KIAA1549L: variants seen among roughly 807,000 people sequenced by gnomAD.
The protein encoded by KIAA1549L is KIAA1549 like, also known as UPF0606 protein KIAA1549L.
A neutral mutation model predicts 160.7 loss-of-function variants in KIAA1549L; 88 were observed. The observed-to-expected ratio is 0.55, with a 90% CI of 0.46 to 0.65. The LOEUF (loss-of-function observed/expected upper bound fraction) is 0.65, where lower values mean the gene tolerates loss of function less well. Among genes scored for constraint, KIAA1549L ranks in the 30% least tolerant of loss-of-function variants. The pLI, the probability that KIAA1549L is intolerant of heterozygous loss-of-function variation, is 0.00. For synonymous variants in KIAA1549L, 950 were observed against 976.7 expected (o/e 0.97, Z 0.51); for missense variants, 2,258 against 2,437.5 (o/e 0.93, Z 1.55).
chr11:33,542,071 G>A lies in KIAA1549L; in HGVS notation c.508G>A (p.Glu170Lys), dbSNP rs1273702647. 12 of 475,714 alleles carry A rather than the reference G, an allele frequency of 2.5e-5. No homozygotes were observed. Among genetic ancestry groups the A allele is most frequent in the Admixed American group, 1.4e-4 (6 of 43,056 alleles). 29.5% of individuals were successfully genotyped at this position (475,714 alleles called of 1,614,324 possible). A position where few individuals can be genotyped will look rare whatever the true frequency, so the allele number is the denominator to read the frequency against. The change falls in exon 2 of 21, where the codon GAA becomes AAA. Residue 170 changes from glutamate (E) to lysine (K), a missense_variant. This residue lies in a region of KIAA1549L where 540 missense variants were observed against 465.7 expected (regional missense o/e 1.16). Coordinates refer to ENST00000658780, the MANE Select transcript of KIAA1549L (RefSeq NM_012194.3). ...YQGSGHSASLEPSKDSTESLV... is the reference protein window; with the variant it reads ...YQGSGHSASLKPSKDSTESLV... The stretch of plus-strand genomic sequence containing the variant: ...AGGAAGCGGACATAGCGCCTCCCTC[G>A]AACCTTCCAAGGATTCTACCGAGTC...
intron 1 of KIAA1549L, among the ~76,000 whole-genome samples, chr11:33,488,990 T>C (rs1852594056): frequency 6.6e-6 from 1 of 152,226 alleles, no homozygotes; most frequent in East Asian, 1.9e-4. Context: ...TTTGTTATGT[T>C]GTTAAATCCT....
chr11:33,394,644 T>C (rs1850338051), intron 1 of KIAA1549L, among the ~76,000 whole-genome samples: 2 of 152,298 alleles, frequency 1.3e-5, no homozygotes, highest in African/African-American at 2.4e-5. Flanking sequence ...CCCATTTCAC[T>C]CTCATATTGG....
chr11:33,405,263 A>G (rs1404557914), intron 1 of KIAA1549L, among the ~76,000 whole-genome samples: 1 of 152,156 alleles, frequency 6.6e-6, no homozygotes, highest in African/African-American at 2.4e-5. Context: ...ATTGGTGTAA[A>G]CAGAATAAAT....
At chr11:33,594,662 C>T (rs1288194641) in intron 12 of KIAA1549L, among the ~76,000 whole-genome samples, 1 of 152,208 alleles carries the variant, frequency 6.6e-6, no homozygotes, top group African/African-American at 2.4e-5. Context: ...AAGCAAGTCT[C>T]ATGGTCAAGT....
At chr11:33,665,154 T>TG (rs1417805523) in intron 20 of KIAA1549L, 1 of 152,404 alleles carries the variant, frequency 6.6e-6, no homozygotes, top group Non-Finnish European at 1.5e-5. Context: ...TGGCCGGTGG[T>TG]GCTTTTGCCC....
At chr11:33,553,263 G>A (rs982563078) in intron 6 of KIAA1549L, among the ~76,000 whole-genome samples, 2 of 151,356 alleles carry the variant, frequency 1.3e-5, no homozygotes, top group African/African-American at 4.9e-5. Flanking sequence ...GCCTCCCGAA[G>A]TGCTGGGATT....
intron 13 of KIAA1549L, among the ~76,000 whole-genome samples, chr11:33,605,943 C>T (rs1249863932): frequency 6.6e-6 from 1 of 152,194 alleles, no homozygotes; most frequent in Non-Finnish European, 1.5e-5. Flanking sequence ...TTAGCAATTG[C>T]AGCAGAATTA....
At chr11:33,492,543 G>A (rs1039403842) in intron 1 of KIAA1549L, among the ~76,000 whole-genome samples, 4 of 152,226 alleles carry the variant, frequency 2.6e-5, no homozygotes, top group South Asian at 4.1e-4. Context: ...GTGGAATTTC[G>A]CACAGGTAAT....
At chr11:33,588,960 C>T (rs576403919) in intron 11 of KIAA1549L, among the ~76,000 whole-genome samples, 38 of 152,282 alleles carry the variant, frequency 2.5e-4, no homozygotes, top group African/African-American at 8.7e-4. Flanking sequence ...TGTTCTGAGA[C>T]ACAGTGGTGA....
At chr11:33,458,894 G>A (rs920830923) in intron 1 of KIAA1549L, among the ~76,000 whole-genome samples, 1 of 152,176 alleles carries the variant, frequency 6.6e-6, no homozygotes, top group Admixed American at 6.5e-5. Flanking sequence ...AGAATGAACA[G>A]TGTTAAACTT....
At chr11:33,538,863 A>T (rs559110902) in intron 1 of KIAA1549L, among the ~76,000 whole-genome samples, 1 of 152,350 alleles carries the variant, frequency 6.6e-6, no homozygotes, top group African/African-American at 2.4e-5. Flanking sequence ...TTGCCGGCCT[A>T]TATTTCTCTT....
chr11:33,605,206 G>A (rs971524200), intron 13 of KIAA1549L, among the ~76,000 whole-genome samples: 1 of 152,018 alleles, frequency 6.6e-6, no homozygotes, highest in Admixed American at 6.6e-5. Flanking sequence ...TTACAACTAA[G>A]CCTTGGAAGT....
At chr11:33,614,925 T>C (rs1850770448) in intron 15 of KIAA1549L, among the ~76,000 whole-genome samples, 1 of 151,920 alleles carries the variant, frequency 6.6e-6, no homozygotes, top group Non-Finnish European at 1.5e-5. Context: ...GCTATATTTT[T>C]AATGGCAGTC....
At position 33,435,759 on chromosome 11, in the gene KIAA1549L, GATATATATATATATAT is replaced by G. The variant is rs71034686; in HGVS notation, c.238+58907_238+58922del. ...CCTTCCAGAGAAACAGAACCAATAAGATATATATATATATATATATATATATATATATATATATATA... is the reference window on the plus strand; with the variant it reads ...CCTTCCAGAGAAACAGAACCAATAAGATATATATATATATATATATATATA... On this transcript the variant is annotated intron_variant, in intron 1 of 20. Transcript: ENST00000658780. Among the ~76,000 whole-genome samples the G allele has an allele frequency of 8.0e-4, 12 of 14,986 alleles. 1 individual carries two copies. The highest frequency in any genetic ancestry group is 1.5e-3 in the African/African-American group (5 of 3,392). The allele number at this position is 14,986 out of a possible 152,430, so 9.8% of individuals were successfully genotyped here. A position where few individuals can be genotyped will look rare whatever the true frequency, so the allele number is the denominator to read the frequency against.
chr11:33,379,758 G>A (rs1452888860), intron 1 of KIAA1549L, among the ~76,000 whole-genome samples: 6 of 152,194 alleles, frequency 3.9e-5, no homozygotes, highest in African/African-American at 2.4e-5. Context: ...AGGATTACAC[G>A]AGTTAAAGCA....
rs1248202374 is a variant in KIAA1549L at position 33,544,934 on chromosome 11, C to T, written c.2941C>T (p.Leu981Phe). The T allele has an allele frequency of 3.1e-6, 5 of 1,613,488 alleles. No homozygotes were observed. The highest frequency in any genetic ancestry group is 2.2e-5 in the East Asian group (1 of 44,844). Residue 981 changes from leucine to phenylalanine, a missense_variant, in exon 3 of 21, where the codon CTT (leucine) becomes TTT (phenylalanine). Transcript: ENST00000658780. ...GPAKSSSMTT[L>F]AKNVTNKAAS... ...AGCTAAGAGCAGTTCGATGACTACT[C>T]TTGCTAAAAATGTCACAAACAAGGC...
At chr11:33,624,023 C>T (rs1366243067) in intron 16 of KIAA1549L, among the ~76,000 whole-genome samples, 2 of 152,130 alleles carry the variant, frequency 1.3e-5, no homozygotes, top group Non-Finnish European at 2.9e-5. Flanking sequence ...TCTTTCAGGC[C>T]AGGGTCCTCA....
intron 1 of KIAA1549L, among the ~76,000 whole-genome samples, chr11:33,473,731 C>G (rs557904235): frequency 1.3e-5 from 2 of 152,156 alleles, no homozygotes; most frequent in Admixed American, 1.3e-4. Context: ...TCATTCTCCC[C>G]TCTTGGCTAA....
chr11:33,508,365 C>T (rs984600415), intron 1 of KIAA1549L, among the ~76,000 whole-genome samples: 3 of 152,190 alleles, frequency 2.0e-5, no homozygotes, highest in Admixed American at 6.5e-5. Context: ...TCTTCTCTTT[C>T]CCCTTCCTTG....
Sources: gnomAD v4.1 joint callset for allele counts (sites outside exome capture counted in the v4.1 genomes callset) on GRCh38, gnomAD v4.1.1 for gene constraint, gnomAD v4.1.1 regional missense constraint, MANE v1.5 for transcripts, NCBI Gene and HGNC (gene_info 2026-07-23, HGNC 2026-07-21) for gene names.